PRKN: variants seen among roughly 807,000 people sequenced by gnomAD.
The protein encoded by PRKN is E3 ubiquitin-protein ligase parkin.
A neutral mutation model predicts 59.5 loss-of-function variants in PRKN; 56 were observed. The ratio of observed to expected loss-of-function variants is 0.94; its 90% CI spans 0.76 to 1.18. The LOEUF is 1.18. Ranked by LOEUF, PRKN falls within the 50% of genes most tolerant of loss-of-function variation. The pLI, the probability that PRKN is intolerant of heterozygous loss-of-function variation, is 0.00. For missense variants in PRKN, 657 were observed against 596.4 expected (o/e 1.10, Z -1.06); for synonymous variants, 250 against 222.1 (o/e 1.13, Z -1.12).
chr6:161,925,288 G>C (rs1778926558), intron 6 of PRKN, among the ~76,000 whole-genome samples: 1 of 152,142 alleles, frequency 6.6e-6, no homozygotes, highest in East Asian at 1.9e-4. Context: ...AATGTCTTTA[G>C]AGGTCAGGTG....
intron 9 of PRKN, among the ~76,000 whole-genome samples, chr6:161,500,181 C>T (rs192963232): frequency 8.4e-4 from 128 of 152,274 alleles, no homozygotes; most frequent in African/African-American, 2.7e-3. Flanking sequence ...TTTAATTTCA[C>T]GGCAAAATTG....
intron 1 of PRKN, among the ~76,000 whole-genome samples, chr6:162,723,484 G>A (rs549091884): frequency 3.6e-4 from 54 of 152,088 alleles, no homozygotes; most frequent in African/African-American, 1.1e-3. Context: ...GTGGGGGACC[G>A]GAGATCCAGG....
At chr6:162,119,297 G>T (rs2023053) in intron 4 of PRKN, among the ~76,000 whole-genome samples, 31,367 of 152,012 alleles carry the variant, frequency 0.21, 3,521 homozygotes, top group Non-Finnish European at 0.25. Context: ...AAGGGGCCTC[G>T]GGATGATCAG....
intron 6 of PRKN, among the ~76,000 whole-genome samples, chr6:161,937,195 G>A (rs1779390384): frequency 1.3e-5 from 2 of 152,326 alleles, no homozygotes; most frequent in Non-Finnish European, 2.9e-5. Flanking sequence ...CCTTGGGGAT[G>A]GACTAAACGG....
intron 2 of PRKN, among the ~76,000 whole-genome samples, chr6:162,426,810 T>C (rs938718957): frequency 2.0e-5 from 3 of 152,200 alleles, no homozygotes; most frequent in Non-Finnish European, 4.4e-5. Context: ...CCACAACATA[T>C]GAAAACTTTC....
At chr6:161,908,085 CA>C (rs1216633185) in intron 6 of PRKN, among the ~76,000 whole-genome samples, 9 of 147,548 alleles carry the variant, frequency 6.1e-5, no homozygotes, top group African/African-American at 2.2e-4. Flanking sequence ...CTCAAACTAA[CA>C]ACAACGACAA....
At chr6:162,084,554 C>T (rs1779178290) in intron 4 of PRKN, among the ~76,000 whole-genome samples, 1 of 152,028 alleles carries the variant, frequency 6.6e-6, no homozygotes, top group South Asian at 2.1e-4. Flanking sequence ...CAAAAATAAT[C>T]ATAATACATT....
intron 6 of PRKN, among the ~76,000 whole-genome samples, chr6:161,830,222 G>A (rs1792427046): frequency 1.3e-5 from 2 of 151,900 alleles, no homozygotes; most frequent in African/African-American, 2.4e-5. Flanking sequence ...CTGTCTCCTA[G>A]TGTGTCGGGG....
At chr6:162,643,039 G>A (rs1375685440) in intron 1 of PRKN, among the ~76,000 whole-genome samples, 1 of 152,010 alleles carries the variant, frequency 6.6e-6, no homozygotes, top group Admixed American at 6.6e-5. Context: ...AAATATTAAT[G>A]CACTGACACA....
chr6:162,441,200 C>T (rs867907095), intron 2 of PRKN, among the ~76,000 whole-genome samples: 3 of 152,080 alleles, frequency 2.0e-5, no homozygotes, highest in Non-Finnish European at 4.4e-5. Flanking sequence ...CCAACCAAAC[C>T]GGGTCTTCAG....
At chr6:162,353,800 T>C (rs1387065677) in intron 2 of PRKN, among the ~76,000 whole-genome samples, 1 of 152,152 alleles carries the variant, frequency 6.6e-6, no homozygotes, top group Non-Finnish European at 1.5e-5. Flanking sequence ...TGAAATTCCA[T>C]ATAAATCTAA....
intron 1 of PRKN, among the ~76,000 whole-genome samples, chr6:162,616,247 G>A (rs1782408453): frequency 6.6e-6 from 1 of 152,136 alleles, no homozygotes; most frequent in African/African-American, 2.4e-5. Context: ...GTTCATGGTA[G>A]AGTATTTATT....
At position 161,551,239 on chromosome 6, in the gene PRKN, AC is replaced by A. The variant is rs772450729; in HGVS notation, c.934-2237del. ...AGATTTCTTAGAGGCTTCATACATA[AC>A]CCTTGCCCACAGCACAGCCCCAAAT... is the stretch of plus-strand genomic sequence containing the variant. On this transcript the variant is annotated intron_variant, in intron 8 of 11. Coordinates refer to ENST00000366898, the MANE Select transcript of PRKN (RefSeq NM_004562.3). This position sits in a 1 kb window ranked among gnomAD's most constrained non-coding sequence, Gnocchi z 5.2. Among the ~76,000 whole-genome samples, 3 of 152,030 alleles carry A rather than the reference AC, an allele frequency of 2.0e-5. No homozygotes were observed. Among genetic ancestry groups the A allele is most frequent in the Non-Finnish European group, 4.4e-5 (3 of 67,996 alleles).
At chr6:162,239,869 A>C (rs973136017) in intron 3 of PRKN, among the ~76,000 whole-genome samples, 3 of 152,124 alleles carry the variant, frequency 2.0e-5, no homozygotes, top group Admixed American at 2.0e-4. Flanking sequence ...CTGTCTTAAA[A>C]CAATAAAGCC....
At chr6:161,929,171 C>T (rs1779076155) in intron 6 of PRKN, among the ~76,000 whole-genome samples, 1 of 151,988 alleles carries the variant, frequency 6.6e-6, no homozygotes, top group Admixed American at 6.6e-5. Context: ...TATATGACAA[C>T]CTGGATGAAC....
intron 7 of PRKN, among the ~76,000 whole-genome samples, chr6:161,740,267 G>T (rs1788133833): frequency 6.6e-6 from 1 of 152,186 alleles, no homozygotes; most frequent in South Asian, 2.1e-4. Context: ...CCTCGAATGG[G>T]AGCTATGCAT....
chr6:161,633,803 C>T (rs535918875), intron 7 of PRKN, among the ~76,000 whole-genome samples: 2 of 152,156 alleles, frequency 1.3e-5, no homozygotes, highest in South Asian at 4.2e-4. Flanking sequence ...AGAATCATTC[C>T]ACTCGATTTT....
rs1282494824 is a variant in PRKN, at chr6:161,448,194, T to G, written c.1084-61317A>C. Among the ~76,000 whole-genome samples, 1 of 152,182 alleles carries G rather than the reference T, an allele frequency of 6.6e-6. No individual in the cohort carries two copies. The highest frequency in any genetic ancestry group is 6.5e-5 in the Admixed American group (1 of 15,276). On this transcript the variant is annotated intron_variant, in intron 9 of 11. Transcript: ENST00000366898. This position sits in a 1 kb window ranked among gnomAD's most constrained non-coding sequence, Gnocchi z 5.1. ...TGCCTCCATAAAAGATCTTCACTTT[T>G]CCCCACACCGTAATATTTCACTGGA...
intron 7 of PRKN, among the ~76,000 whole-genome samples, chr6:161,652,700 T>C (rs1784194837): frequency 6.6e-6 from 1 of 152,184 alleles, no homozygotes; most frequent in Admixed American, 6.5e-5. Context: ...TATATGATTC[T>C]AATGGAGAAG....
Sources: allele counts gnomAD v4.1 joint callset (sites outside exome capture counted in the v4.1 genomes callset), GRCh38; gene constraint gnomAD v4.1.1; non-coding constraint Gnocchi (gnomAD v3.1); transcripts MANE v1.5; gene names NCBI Gene and HGNC (gene_info 2026-07-23, HGNC 2026-07-21).